PTPRT: variants seen among roughly 807,000 people sequenced by gnomAD.
PTPRT encodes the protein receptor-type tyrosine-protein phosphatase T.
In PTPRT, 56 loss-of-function variants were observed where a neutral mutation model predicts 176.8. The ratio of observed to expected loss-of-function variants is 0.32; its 90% CI spans 0.26 to 0.40. PTPRT has a LOEUF of 0.40. Among genes scored for constraint, PTPRT ranks in the 10% least tolerant of loss-of-function variants. PTPRT has a pLI of 1.00. For synonymous variants in PTPRT, 783 were observed against 739.0 expected (o/e 1.06, Z -0.96); for missense variants, 1,540 against 1,908.2 (o/e 0.81, Z 3.60).
At chr20:42,071,716 G>T (rs769587183), downstream of PTPRT, among the ~76,000 whole-genome samples, 38 of 152,084 alleles carry the variant, frequency 2.5e-4, no homozygotes, top group Admixed American at 7.9e-4. Context: ...GACTGCAGTG[G>T]CGCAGTCTCA....
At chr20:42,266,511 C>G (rs1375462025) in intron 13 of PTPRT, among the ~76,000 whole-genome samples, 1 of 152,180 alleles carries the variant, frequency 6.6e-6, no homozygotes, top group Non-Finnish European at 1.5e-5. Flanking sequence ...TGTTAATTAA[C>G]TGGTCACTTC....
At chr20:42,922,721 G>A (rs1379790928) in intron 1 of PTPRT, among the ~76,000 whole-genome samples, 1 of 152,060 alleles carries the variant, frequency 6.6e-6, no homozygotes, top group African/African-American at 2.4e-5. Flanking sequence ...GCCCTTGGAG[G>A]GCGAGTCCTC....
chr20:42,539,562 G>T (rs2072540853), intron 7 of PTPRT, among the ~76,000 whole-genome samples: 1 of 150,218 alleles, frequency 6.7e-6, no homozygotes, highest in Admixed American at 6.6e-5. Context: ...GATACCTGGA[G>T]AAAGCATCAA....
chr20:42,632,140 A>G (rs1327708165), intron 7 of PTPRT, among the ~76,000 whole-genome samples: 1 of 152,068 alleles, frequency 6.6e-6, no homozygotes, highest in Admixed American at 6.5e-5. Flanking sequence ...AATCCTTCCT[A>G]TGCATTGTCA....
chr20:42,950,452 C>T (rs911844439), intron 1 of PTPRT, among the ~76,000 whole-genome samples: 4 of 152,128 alleles, frequency 2.6e-5, no homozygotes, highest in Admixed American at 6.5e-5. Flanking sequence ...GTAATCCTGT[C>T]CCTTCTCACC....
At position 42,358,344 on chromosome 20, in the gene PTPRT, A is replaced by T. The variant is rs547770001; in HGVS notation, c.1561-6059T>A. ...GCTGCAGAACAGAACCTAAACAGAT[A>T]TCCATTGAGCTCTTGACTAGGTGCT... On this transcript the variant is annotated intron_variant, in intron 9 of 30. Coordinates refer to ENST00000373187, the MANE Select transcript of PTPRT (RefSeq NM_007050.6). Among the ~76,000 whole-genome samples, 4 of 152,236 alleles carry T rather than the reference A, an allele frequency of 2.6e-5. No individual in the cohort carries two copies. The East Asian group carries it at 7.7e-4, about 29-fold the overall frequency.
intron 16 of PTPRT, among the ~76,000 whole-genome samples, chr20:42,169,513 A>G (rs551706426): frequency 1.3e-5 from 2 of 152,122 alleles, no homozygotes; most frequent in Non-Finnish European, 2.9e-5. Flanking sequence ...AGCATCACAC[A>G]TGCCAGGATG....
In PTPRT at chr20:42,077,854, C is replaced by T. The variant is rs1884040; in HGVS notation, c.*3025G>A. On this transcript the variant is annotated 3_prime_UTR_variant, in exon 31 of 31. Coordinates refer to ENST00000373187, the MANE Select transcript of PTPRT (RefSeq NM_007050.6). ...AGTTTGTTTCTCCCTGAAGTCACAC[C>T]TTAAATTCCTACCATTTAAAATGAT... is the stretch of plus-strand genomic sequence containing the variant. 141,081 of 194,758 alleles carry T rather than the reference C, an allele frequency of 0.72. 51,517 individuals carry two copies. Among genetic ancestry groups the T allele is most frequent in the South Asian group, 0.84 (4,312 of 5,128 alleles). 12.1% of individuals were successfully genotyped at this position (194,758 alleles called of 1,614,324 possible).
At position 42,102,117 on chromosome 20, in the gene PTPRT, G is replaced by C; in HGVS notation, c.3714+7C>G. The C allele has an allele frequency of 6.2e-7, 1 of 1,605,796 alleles. No individual in the cohort carries two copies. Among genetic ancestry groups the C allele is most frequent in the African/African-American group, 1.3e-5 (1 of 74,862 alleles). On this transcript the variant is annotated splice_region_variant and intron_variant, in intron 26 of 30. Coordinates refer to ENST00000373187, the MANE Select transcript of PTPRT (RefSeq NM_007050.6). ...AGCTAGGAGCTTTCTGCCCGGGCTC[G>C]GCTTACATCCATCAGTGCTGCGTTG...
chr20:42,146,217 T>A (rs6102692), intron 17 of PTPRT, among the ~76,000 whole-genome samples: 4,268 of 152,196 alleles, frequency 0.028, 200 homozygotes, highest in African/African-American at 0.098. Flanking sequence ...GAAGGGAGGT[T>A]GCTGCTCTCA....
At chr20:43,011,249 A>G (rs1205260204) in intron 1 of PTPRT, among the ~76,000 whole-genome samples, 2 of 152,180 alleles carry the variant, frequency 1.3e-5, no homozygotes, top group African/African-American at 4.8e-5. Context: ...CCACCTAAGA[A>G]AATGCCCACG....
At chr20:42,885,405 C>T (rs1175039738) in intron 2 of PTPRT, among the ~76,000 whole-genome samples, 1 of 149,218 alleles carries the variant, frequency 6.7e-6, no homozygotes, top group Non-Finnish European at 1.5e-5. Context: ...TTAATATAAC[C>T]TTATAATAGT....
intron 2 of PTPRT, among the ~76,000 whole-genome samples, chr20:42,866,670 C>A (rs1291492782): frequency 6.6e-6 from 1 of 152,290 alleles, no homozygotes; most frequent in East Asian, 1.9e-4. Flanking sequence ...CAAGTTGTGG[C>A]CCCAACCTCC....
At chr20:43,108,444 T>C (rs1311728081) in intron 1 of PTPRT, among the ~76,000 whole-genome samples, 2 of 152,096 alleles carry the variant, frequency 1.3e-5, no homozygotes, top group East Asian at 1.9e-4. Flanking sequence ...GAGAAGGAAG[T>C]GCCCAGCTGA....
In PTPRT at chr20:42,754,193, ATT is replaced by A. The variant is rs953118384; in HGVS notation, c.859+2267_859+2268del. Among the ~76,000 whole-genome samples the A allele has an allele frequency of 1.8e-3, 238 of 133,982 alleles. 1 individual carries two copies. Among genetic ancestry groups the A allele is most frequent in the Middle Eastern group, 0.016 (4 of 244 alleles). The allele number at this position is 133,982 out of a possible 152,430, so 87.9% of individuals were successfully genotyped here. ...TAATAATAATAAATCTTCAAAAAAAATTTTTTTTTTGAGATGGAGTCTCGCTC... is the reference window on the plus strand; with the variant it reads ...TAATAATAATAAATCTTCAAAAAAAATTTTTTTTGAGATGGAGTCTCGCTC... On this transcript the variant is annotated intron_variant, in intron 6 of 30. Coordinates refer to ENST00000373187, the MANE Select transcript of PTPRT (RefSeq NM_007050.6).
chr20:42,120,837 T>A (rs1204173609), intron 19 of PTPRT, among the ~76,000 whole-genome samples: 2 of 152,052 alleles, frequency 1.3e-5, no homozygotes, highest in African/African-American at 4.8e-5. Flanking sequence ...AATACATGAG[T>A]GAATAAATGA....
intron 9 of PTPRT, among the ~76,000 whole-genome samples, chr20:42,404,181 G>A (rs534163096): frequency 6.6e-6 from 1 of 152,254 alleles, no homozygotes; most frequent in East Asian, 1.9e-4. Context: ...TCATATGTTT[G>A]AGTTCTCACC....
intron 3 of PTPRT, among the ~76,000 whole-genome samples, chr20:42,782,922 T>A (rs1362711941): frequency 1.3e-5 from 2 of 152,206 alleles, no homozygotes; most frequent in African/African-American, 4.8e-5. Context: ...GACTTTAATC[T>A]ATGTCTTAGA....
intron 1 of PTPRT, among the ~76,000 whole-genome samples, chr20:42,974,864 C>A (rs188707331): frequency 2.6e-3 from 396 of 152,304 alleles, no homozygotes; most frequent in African/African-American, 9.2e-3. Flanking sequence ...CATCAGCATT[C>A]GTTCCAAATC....
Sources: allele counts gnomAD v4.1 joint callset (sites outside exome capture counted in the v4.1 genomes callset), GRCh38; gene constraint gnomAD v4.1.1; transcripts MANE v1.5; gene names NCBI Gene and HGNC (gene_info 2026-07-23, HGNC 2026-07-21).